PCDHA3: variants seen among roughly 807,000 people sequenced by gnomAD.
PCDHA3 encodes the protein protocadherin alpha 3, also known as protocadherin alpha-3.
A neutral mutation model predicts 62.2 loss-of-function variants in PCDHA3; 41 were observed. That is an observed-to-expected ratio of 0.66 (90% CI 0.51 to 0.86). The LOEUF (loss-of-function observed/expected upper bound fraction) is 0.86, where lower values mean the gene tolerates loss of function less well. Ranked by LOEUF, PCDHA3 falls within the 40% of genes least tolerant of loss-of-function variation. The probability of loss-of-function intolerance (pLI) is 0.00; values close to 1 mark genes in which losing one functional copy is unlikely to be tolerated. For synonymous variants in PCDHA3, 640 were observed against 555.4 expected (o/e 1.15, Z -2.14); for missense variants, 1,304 against 1,241.2 (o/e 1.05, Z -0.76).
intron 1 of PCDHA3, chr5:140,807,073 C>A (rs1763840766): frequency 3.3e-6 from 4 of 1,196,434 alleles, no homozygotes; most frequent in Non-Finnish European, 4.7e-6. Context: ...GAACCATATA[C>A]ACTCTTTGGA....
At position 140,809,028 on chromosome 5, in the gene PCDHA3, G is replaced by C. The variant is rs139851359; in HGVS notation, c.2394+5437G>C. 3.1e-6 allele frequency: 5 copies of C among 1,613,720 alleles called. No individual in the cohort carries two copies. The African/African-American group carries it at 6.7e-5, about 22-fold the overall frequency. On this transcript the variant is annotated intron_variant, in intron 1 of 3. Coordinates refer to ENST00000522353, the MANE Select transcript of PCDHA3 (RefSeq NM_018906.3). ...TGGCTTTCGTACGAGCTGCAGCCGGGGACTGGTGGCGCGCGCATCCCGTTC... is the reference window on the plus strand; with the variant it reads ...TGGCTTTCGTACGAGCTGCAGCCGGCGACTGGTGGCGCGCGCATCCCGTTC...
chr5:140,994,772 G>C (rs2097648880), intron 3 of PCDHA3, among the ~76,000 whole-genome samples: 2 of 152,118 alleles, frequency 1.3e-5, no homozygotes, highest in Non-Finnish European at 1.5e-5. Context: ...GAGAATTCCA[G>C]GCAAAGGAAA....
At position 140,869,273 on chromosome 5, in the gene PCDHA3, C is replaced by A. The variant is rs782135758; in HGVS notation, c.2394+65682C>A. 1.9e-6 allele frequency: 3 copies of A among 1,613,438 alleles called. No homozygotes were observed. Among genetic ancestry groups the A allele is most frequent in the African/African-American group, 2.7e-5 (2 of 74,920 alleles). On this transcript the variant is annotated intron_variant, in intron 1 of 3. Transcript: ENST00000522353. ...GCGCAGGACCTGGGGCTGGAGCTGG[C>A]GGAGCTGGTGCAGCGCCTGTTCCGG...
intron 1 of PCDHA3, chr5:140,836,066 C>A (rs2150251751): frequency 2.5e-6 from 4 of 1,613,652 alleles, no homozygotes; most frequent in Admixed American, 3.3e-5. Context: ...AGAACGACAA[C>A]GCGCCGGCAC....
chr5:140,886,453 A>G (rs1047264611), intron 1 of PCDHA3, among the ~76,000 whole-genome samples: 1 of 152,140 alleles, frequency 6.6e-6, no homozygotes, highest in Non-Finnish European at 1.5e-5. Flanking sequence ...TAATTTTGTC[A>G]TATATAAATG....
chr5:140,933,646 A>G (rs1459396156), intron 1 of PCDHA3, among the ~76,000 whole-genome samples: 16 of 152,120 alleles, frequency 1.1e-4, no homozygotes, highest in African/African-American at 3.9e-4. Flanking sequence ...AACAAGTTGG[A>G]AATCCTGTCT....
chr5:140,865,816 A>G (rs1554159628), intron 1 of PCDHA3: 1 of 152,168 alleles, frequency 6.6e-6, no homozygotes, highest in East Asian at 1.9e-4. Context: ...TTTATCCACT[A>G]TAATGTAGAG....
At chr5:140,824,122 G>A (rs1768005836) in intron 1 of PCDHA3, 2 of 1,613,834 alleles carry the variant, frequency 1.2e-6, no homozygotes, top group Admixed American at 1.7e-5. Flanking sequence ...CACCTCTACA[G>A]ACAACGTGAG....
At chr5:140,916,628 C>T (rs1311862991) in intron 1 of PCDHA3, among the ~76,000 whole-genome samples, 1 of 152,188 alleles carries the variant, frequency 6.6e-6, no homozygotes, top group Non-Finnish European at 1.5e-5. Context: ...ACTCAATGCC[C>T]TATCCTACTG....
chr5:140,959,057 G>A (rs1437392976), intron 1 of PCDHA3, among the ~76,000 whole-genome samples: 1 of 152,092 alleles, frequency 6.6e-6, no homozygotes, highest in Non-Finnish European at 1.5e-5. Context: ...AAAAAATGCA[G>A]TATATATAGA....
At chr5:140,889,242 TTC>T (rs1195440878) in intron 1 of PCDHA3, among the ~76,000 whole-genome samples, 1 of 151,892 alleles carries the variant, frequency 6.6e-6, no homozygotes, top group African/African-American at 2.4e-5. Flanking sequence ...CCAGAAAATT[TTC>T]TGTTTCCTGT....
Position 140,895,372 on chromosome 5 carries a change from T to C in PCDHA3, c.2395-83577T>C, listed in dbSNP as rs112463980. Among the ~76,000 whole-genome samples, 883 of 152,294 alleles carry C rather than the reference T, an allele frequency of 5.8e-3. 7 individuals carry two copies. The highest frequency in any genetic ancestry group is 0.021 in the African/African-American group (855 of 41,558). On this transcript the variant is annotated intron_variant, in intron 1 of 3. Coordinates refer to ENST00000522353, the MANE Select transcript of PCDHA3 (RefSeq NM_018906.3). The stretch of plus-strand genomic sequence containing the variant: ...CCAGTGAGTACTTATTGGCACTTTT[T>C]GGAGTTCTTCAATTCTCAACACCAT...
intron 1 of PCDHA3, among the ~76,000 whole-genome samples, chr5:140,945,003 C>A (rs2093723763): frequency 6.6e-6 from 1 of 152,064 alleles, no homozygotes; most frequent in South Asian, 2.1e-4. Flanking sequence ...GGTTGTGGGT[C>A]ATGAATTATT....
chr5:140,829,850 G>A lies in PCDHA3; in HGVS notation c.2394+26259G>A, dbSNP rs2150176135. 3.1e-5 allele frequency: 50 copies of A among 1,613,836 alleles called. No homozygotes were observed. Among genetic ancestry groups the A allele is most frequent in the Non-Finnish European group, 4.2e-5 (50 of 1,179,896 alleles). The stretch of plus-strand genomic sequence containing the variant: ...CGAGCTGGTGCCGCGGTCACTGGGT[G>A]CAGGCCAAGTGGTGGCGAAGGTGCG... On this transcript the variant is annotated intron_variant, in intron 1 of 3. Transcript: ENST00000522353.
intron 3 of PCDHA3, among the ~76,000 whole-genome samples, chr5:141,004,974 G>T (rs557503446): frequency 6.6e-6 from 1 of 152,302 alleles, no homozygotes; most frequent in South Asian, 2.1e-4. Context: ...CTGTAAATTT[G>T]CAGTATCATT....
At chr5:140,987,722 T>C (rs2097265966) in intron 3 of PCDHA3, among the ~76,000 whole-genome samples, 1 of 152,204 alleles carries the variant, frequency 6.6e-6, no homozygotes, top group Admixed American at 6.5e-5. Context: ...GAGTCTATCC[T>C]ACAGCTTCAA....
intron 1 of PCDHA3, chr5:140,829,759 G>A: frequency 6.2e-7 from 1 of 1,613,768 alleles, no homozygotes; most frequent in Non-Finnish European, 8.5e-7. Flanking sequence ...TGTTCGTGCT[G>A]GACGAGAACG....
chr5:140,986,467 T>G (rs190246289), intron 3 of PCDHA3, among the ~76,000 whole-genome samples: 4 of 152,196 alleles, frequency 2.6e-5, no homozygotes, highest in Non-Finnish European at 5.9e-5. Context: ...AATGCCCTCT[T>G]GTGATCAGTT....
At position 140,884,430 on chromosome 5, in the gene PCDHA3, T is replaced by G. The variant is rs1554181548; in HGVS notation, c.2394+80839T>G. The G allele has an allele frequency of 2.5e-6, 4 of 1,613,804 alleles. No homozygotes were observed. The African/African-American group carries it at 4.0e-5, about 16-fold the overall frequency. ...CTCACGTTGCTGCTGTATACTGCGC[T>G]GCGGTGCTCGGCACCGCCCACCGAG... On this transcript the variant is annotated intron_variant, in intron 1 of 3. Transcript: ENST00000522353.
Sources: gnomAD v4.1 joint callset for allele counts (sites outside exome capture counted in the v4.1 genomes callset) on GRCh38, gnomAD v4.1.1 for gene constraint, MANE v1.5 for transcripts, NCBI Gene and HGNC (gene_info 2026-07-23, HGNC 2026-07-21) for gene names.